PHAX: variants seen among roughly 807,000 people sequenced by gnomAD.
PHAX encodes the protein phosphorylated adaptor for RNA export, also known as phosphorylated adapter RNA export protein.
PHAX carries 31 observed loss-of-function variants against 41.6 expected under a neutral mutation model. That is an observed-to-expected ratio of 0.75 (90% CI 0.56 to 1.01). The LOEUF is 1.01. Ranked by LOEUF, PHAX falls within the 50% of genes least tolerant of loss-of-function variation. The pLI is 0.00. For missense variants in PHAX, 453 were observed against 472.9 expected, an observed-to-expected ratio of 0.96 and a Z score of 0.39; for synonymous variants, 175 against 164.9, an observed-to-expected ratio of 1.06 and a Z score of -0.47.
chr5:126,618,979 C>T (rs547363632), intron 4 of PHAX, among the ~76,000 whole-genome samples: 2 of 152,202 alleles, frequency 1.3e-5, no homozygotes, highest in East Asian at 3.9e-4. Flanking sequence ...TACTCTGTTG[C>T]CCCAGCTGGA....
chr5:126,611,549 G>A (rs1476809141), intron 3 of PHAX, among the ~76,000 whole-genome samples: 2 of 152,108 alleles, frequency 1.3e-5, no homozygotes, highest in African/African-American at 4.8e-5. Flanking sequence ...ACTTTGGGGG[G>A]CCAAGGAGGG....
intron 2 of PHAX, 92 bp downstream of exon 2, chr5:126,604,275 T>TTTTTTTC: frequency 5.5e-6 from 1 of 181,056 alleles, no homozygotes; most frequent in South Asian, 1.1e-4. Flanking sequence ...GATATGTTCC[T>TTTTTTTC]TTTTTTTTTT....
At chr5:126,606,809 G>A (rs544023534) in intron 2 of PHAX, among the ~76,000 whole-genome samples, 283 of 141,668 alleles carry the variant, frequency 2.0e-3, no homozygotes, top group African/African-American at 7.6e-3. Flanking sequence ...GCGCCACCAC[G>A]CCCAGATAAT....
intron 4 of PHAX, among the ~76,000 whole-genome samples, chr5:126,619,343 C>T (rs1181766620): frequency 2.0e-5 from 3 of 151,826 alleles, no homozygotes; most frequent in African/African-American, 7.3e-5. Flanking sequence ...TTTGGGAGGC[C>T]GAGGTGGGCA....
chr5:126,616,018 T>C (rs1430228703), intron 3 of PHAX, among the ~76,000 whole-genome samples: 1 of 150,938 alleles, frequency 6.6e-6, no homozygotes, highest in Non-Finnish European at 1.5e-5. Context: ...ATATTTTCCA[T>C]GGTGGCTACC....
chr5:126,609,980 G>T (rs145161027), intron 3 of PHAX, among the ~76,000 whole-genome samples: 1 of 151,874 alleles, frequency 6.6e-6, no homozygotes, highest in Non-Finnish European at 1.5e-5. Context: ...CAGGCAATCC[G>T]CCTGCCTCGG....
intron 3 of PHAX, among the ~76,000 whole-genome samples, chr5:126,614,817 T>G (rs760768866): frequency 1.3e-5 from 2 of 152,004 alleles, no homozygotes; most frequent in African/African-American, 2.4e-5. Context: ...AGTGCAGTGG[T>G]GCGATCTCGG....
chr5:126,619,344 G>A (rs140628910), intron 4 of PHAX, among the ~76,000 whole-genome samples: 3,864 of 152,120 alleles, frequency 0.025, 98 homozygotes, highest in Non-Finnish European at 0.035. Flanking sequence ...TTGGGAGGCC[G>A]AGGTGGGCAG....
chr5:126,604,108 A>T lies in PHAX; in HGVS notation c.635A>T (p.Glu212Val), dbSNP rs1198435984. The stretch of plus-strand genomic sequence containing the variant: ...AAAGACAGGCTAGGGAACAGACCAG[A>T]AATGAACTATAAAGGTCGATACGAG... ...PVKDRLGNRP[E>V]MNYKGRYEIT... Residue 212 changes from glutamate (E) to valine (V), a missense_variant, in exon 2 of 5, where the codon GAA (glutamate) becomes GTA (valine). Physicochemically the swap from Glu to Val is moderately radical, Grantham distance 121 (BLOSUM62 -2). Coordinates refer to ENST00000297540, the MANE Select transcript of PHAX (RefSeq NM_032177.4). The T allele has an allele frequency of 3.7e-6, 6 of 1,607,922 alleles. No homozygotes were observed. The highest frequency in any genetic ancestry group is 1.3e-5 in the African/African-American group (1 of 74,142).
At position 126,625,017 on chromosome 5, in the gene PHAX, GAT is replaced by G. The variant is rs1324624411; in HGVS notation, c.*178_*179del. On this transcript the variant is annotated 3_prime_UTR_variant, in exon 5 of 5. Coordinates refer to ENST00000297540, the MANE Select transcript of PHAX (RefSeq NM_032177.4). Reference sequence around the variant, plus strand: ...GAATGCAATTGATAGAACATTTAAAGATATATCTGACAAAATACTTAAGAGTA... The same window carrying G: ...GAATGCAATTGATAGAACATTTAAAGATATCTGACAAAATACTTAAGAGTA... 1.7e-6 allele frequency: 1 copy of G among 602,232 alleles called. No individual in the cohort carries two copies. The highest frequency in any genetic ancestry group is 1.9e-5 in the African/African-American group (1 of 53,574). 37.3% of individuals were successfully genotyped at this position (602,232 alleles called of 1,614,324 possible).
intron 4 of PHAX, among the ~76,000 whole-genome samples, chr5:126,623,473 G>A (rs1173042817): frequency 6.6e-6 from 1 of 152,156 alleles, no homozygotes; most frequent in Non-Finnish European, 1.5e-5. Flanking sequence ...TTAGCAAAAT[G>A]CCTGGTACGT....
At chr5:126,619,295 AG>A (rs1277195717) in intron 4 of PHAX, among the ~76,000 whole-genome samples, 2 of 151,896 alleles carry the variant, frequency 1.3e-5, no homozygotes, top group Admixed American at 6.6e-5. Context: ...AAAGATGGTT[AG>A]GTCAGGCGTG....
At chr5:126,607,388 C>CTTTTTTTTTTTTTTT (rs58375322) in intron 2 of PHAX, among the ~76,000 whole-genome samples, 1 of 85,404 alleles carries the variant, frequency 1.2e-5, no homozygotes, top group African/African-American at 5.0e-5. Flanking sequence ...GGTCTGAATT[C>CTTTTTTTTTTTTTTT]TTTTTTTTTT....
intron 3 of PHAX, among the ~76,000 whole-genome samples, chr5:126,612,754 GAA>G (rs1410421632): frequency 6.6e-6 from 1 of 152,178 alleles, no homozygotes; most frequent in African/African-American, 2.4e-5. Flanking sequence ...AGAATAGACT[GAA>G]CTGGGGAATA....
rs1752150196 is a variant in PHAX at position 126,614,220 on chromosome 5, C to A, written c.832-3030C>A. 2.6e-5 allele frequency among the ~76,000 whole-genome samples: 4 copies of A among 152,074 alleles called. No individual in the cohort carries two copies. The South Asian group carries it at 6.2e-4, about 24-fold the overall frequency. On this transcript the variant is annotated intron_variant, in intron 3 of 4. Coordinates refer to ENST00000297540, the MANE Select transcript of PHAX (RefSeq NM_032177.4). The stretch of plus-strand genomic sequence containing the variant: ...TTCAAACAATTCTCCTGCCCTCAGC[C>A]TTCTGAGTAACTGGGATTACAGGCA...
Position 126,624,872 on chromosome 5 carries a change from GC to G in PHAX, c.*30del. 1 of 1,565,268 alleles carries G rather than the reference GC, an allele frequency of 6.4e-7. No individual in the cohort carries two copies. The highest frequency in any genetic ancestry group is 8.6e-7 in the Non-Finnish European group (1 of 1,158,590). ...ACATTTTCAACAGTTTGAGGACTAA[GC>G]CTTTCTAAAATAACATTGTAATAAA... On this transcript the variant is annotated 3_prime_UTR_variant, in exon 5 of 5. Transcript: ENST00000297540.
intron 2 of PHAX, among the ~76,000 whole-genome samples, chr5:126,604,839 G>A (rs1164178241): frequency 6.6e-6 from 1 of 152,052 alleles, no homozygotes; most frequent in Non-Finnish European, 1.5e-5. Flanking sequence ...TTCAAGACCA[G>A]CCTGGCCGAC....
chr5:126,609,719 A>G (rs1051466106), intron 3 of PHAX, among the ~76,000 whole-genome samples: 2 of 151,848 alleles, frequency 1.3e-5, no homozygotes, highest in East Asian at 1.9e-4. Flanking sequence ...GGGCAAAAAA[A>G]AAAAACAAAA....
At chr5:126,608,056 A>C (rs1752018245) in intron 2 of PHAX, among the ~76,000 whole-genome samples, 1 of 152,166 alleles carries the variant, frequency 6.6e-6, no homozygotes, top group Non-Finnish European at 1.5e-5. Context: ...ACAATAGTGG[A>C]CTGCCTTTAT....
Sources: allele counts gnomAD v4.1 joint callset (sites outside exome capture counted in the v4.1 genomes callset), GRCh38; gene constraint gnomAD v4.1.1; transcripts MANE v1.5; gene names NCBI Gene and HGNC (gene_info 2026-07-23, HGNC 2026-07-21).